TMEM245: variants seen among roughly 807,000 people sequenced by gnomAD.
TMEM245 encodes transmembrane protein 245.
A neutral mutation model predicts 101.2 loss-of-function variants in TMEM245; 69 were observed. That is an observed-to-expected ratio of 0.68 (90% CI 0.56 to 0.83). TMEM245 has a LOEUF of 0.83. Among genes scored for constraint, TMEM245 ranks in the 40% least tolerant of loss-of-function variants. The pLI is 0.00. For missense variants in TMEM245, 1,075 were observed against 1,092.8 expected, an observed-to-expected ratio of 0.98 and a Z score of 0.23; for synonymous variants, 537 against 449.8, an observed-to-expected ratio of 1.19 and a Z score of -2.45.
chr9:109,084,009 G>A (rs1244437257), intron 7 of TMEM245, among the ~76,000 whole-genome samples: 1 of 150,236 alleles, frequency 6.7e-6, no homozygotes, highest in South Asian at 2.1e-4. Flanking sequence ...CCTGGGAGGT[G>A]GAGGTTGTGT....
chr9:109,114,097 A>C (rs920872387), intron 1 of TMEM245, among the ~76,000 whole-genome samples: 1 of 152,034 alleles, frequency 6.6e-6, no homozygotes, highest in African/African-American at 2.4e-5. Flanking sequence ...CAAAACAAAA[A>C]CACCACAACT....
chr9:109,114,872 GA>G (rs1830671090), intron 1 of TMEM245, among the ~76,000 whole-genome samples: 1 of 151,978 alleles, frequency 6.6e-6, no homozygotes, highest in Admixed American at 6.6e-5. Context: ...TAGGTGTTCT[GA>G]AATCACTTAC....
chr9:109,045,524 T>G (rs1828462937), intron 14 of TMEM245, among the ~76,000 whole-genome samples: 1 of 152,210 alleles, frequency 6.6e-6, no homozygotes, highest in South Asian at 2.1e-4. Context: ...ATACATGGTT[T>G]TGTGTCCTTG....
chr9:109,069,235 A>T (rs1416013112), intron 9 of TMEM245, among the ~76,000 whole-genome samples: 1 of 152,138 alleles, frequency 6.6e-6, no homozygotes, highest in Non-Finnish European at 1.5e-5. Flanking sequence ...GAATGCTGCT[A>T]CTATTCAAAA....
intron 8 of TMEM245, among the ~76,000 whole-genome samples, chr9:109,074,282 T>G (rs1265893438): frequency 6.6e-6 from 1 of 152,042 alleles, no homozygotes; most frequent in Non-Finnish European, 1.5e-5. Context: ...AAAAAAAATT[T>G]TTTCACCCAG....
intron 3 of TMEM245, among the ~76,000 whole-genome samples, chr9:109,101,173 C>T (rs1365323076): frequency 2.0e-5 from 3 of 152,082 alleles, no homozygotes; most frequent in African/African-American, 4.8e-5. Flanking sequence ...GGTCTAGGAA[C>T]CAAACTCAGG....
intron 14 of TMEM245, among the ~76,000 whole-genome samples, chr9:109,041,911 G>A (rs946630841): frequency 1.3e-5 from 2 of 151,986 alleles, no homozygotes; most frequent in African/African-American, 4.8e-5. Flanking sequence ...CAGGTGGATC[G>A]CTACAGCCCA....
intron 9 of TMEM245, among the ~76,000 whole-genome samples, chr9:109,070,594 G>C (rs1482494184): frequency 6.6e-6 from 1 of 152,156 alleles, no homozygotes; most frequent in African/African-American, 2.4e-5. Flanking sequence ...TTTACATCTT[G>C]TATACCTTCA....
At chr9:109,112,975 C>G (rs1460170854) in intron 1 of TMEM245, among the ~76,000 whole-genome samples, 1 of 152,098 alleles carries the variant, frequency 6.6e-6, no homozygotes, top group African/African-American at 2.4e-5. Flanking sequence ...ACTCGGGAGG[C>G]TGAGGCAGGA....
chr9:109,103,523 T>TA (rs1427682156), intron 3 of TMEM245, among the ~76,000 whole-genome samples: 1 of 152,110 alleles, frequency 6.6e-6, no homozygotes, highest in Non-Finnish European at 1.5e-5. Flanking sequence ...ATGTGGTACT[T>TA]ATACACAATG....
intron 8 of TMEM245, among the ~76,000 whole-genome samples, chr9:109,075,359 T>C (rs1829466349): frequency 6.6e-6 from 1 of 152,216 alleles, no homozygotes; most frequent in Admixed American, 6.5e-5. Context: ...CTTTGGTATC[T>C]GGGCAATACT....
At chr9:109,079,149 T>C (rs775370550) in intron 8 of TMEM245, among the ~76,000 whole-genome samples, 3 of 152,148 alleles carry the variant, frequency 2.0e-5, no homozygotes, top group Non-Finnish European at 2.9e-5. Context: ...CAACGAAAGA[T>C]CTCCTAGTTG....
chr9:109,033,697 T>G (rs1828035814), intron 16 of TMEM245, among the ~76,000 whole-genome samples, 196 bp from the exon 17 acceptor site: 1 of 152,042 alleles, frequency 6.6e-6, no homozygotes, highest in Non-Finnish European at 1.5e-5. Context: ...CAACAATTGT[T>G]TTTCCTATGG....
intron 5 of TMEM245, among the ~76,000 whole-genome samples, chr9:109,089,381 A>C (rs1829934940): frequency 6.6e-6 from 1 of 152,222 alleles, no homozygotes; most frequent in African/African-American, 2.4e-5. Context: ...AGGAAAAATA[A>C]AAAGAAGTGA....
rs763643313 is a variant in TMEM245 at position 109,057,271 on chromosome 9, G to A, written c.1774C>T (p.Gln592Ter). 3.4e-5 allele frequency: 55 copies of A among 1,613,976 alleles called. No individual in the cohort carries two copies. The highest frequency in any genetic ancestry group is 1.3e-5 in the African/African-American group (1 of 74,920). ...AGAATGTCTCCCAGCCAGCTATTCT[G>A]ACGACTGACATGCAACTTCTGTCCT... Reference protein sequence around the residue: ...HKGQKLHVSRQNSWLGDILDW... With the variant: ...HKGQKLHVSR Residue 592 changes from glutamine (Q) to a stop codon, truncating the protein, a stop_gained, in exon 12 of 18, where the codon CAG (glutamine) becomes TAG (stop). Transcript: ENST00000374586. LOFTEE classifies it high-confidence loss of function.
intron 14 of TMEM245, among the ~76,000 whole-genome samples, chr9:109,045,016 TC>T (rs1828440326): frequency 1.3e-5 from 2 of 152,194 alleles, no homozygotes; most frequent in African/African-American, 4.8e-5. Context: ...CGCCTTGGCC[TC>T]CCAAAGTGCT....
intron 3 of TMEM245, among the ~76,000 whole-genome samples, chr9:109,105,964 G>A (rs1182254599): frequency 1.3e-5 from 2 of 152,146 alleles, no homozygotes; most frequent in African/African-American, 4.8e-5. Flanking sequence ...AGTAGAGACG[G>A]GGTTTCACCA....
At position 109,119,541 on chromosome 9, in the gene TMEM245, G is replaced by C. The variant is rs1259857765; in HGVS notation, c.373C>G (p.Leu125Val). ...TAGTCGACGAAGCAGAGCGGCAGGA[G>C]CAGCGCGGCCAGGACGATGGGCGTG... ...AHTPIVLAAL[L>V]LPLCFVDYGV... Residue 125 changes from leucine to valine, a missense_variant, in exon 1 of 18, where the codon CTC becomes GTC. This residue lies in a region of TMEM245 where 808 missense variants were observed against 741.5 expected (regional missense o/e 1.09). Transcript: ENST00000374586. The C allele has an allele frequency of 6.5e-7, 1 of 1,531,436 alleles. No individual in the cohort carries two copies. The highest frequency in any genetic ancestry group is 2.0e-5 in the Admixed American group (1 of 49,928). The allele number at this position is 1,531,436 out of a possible 1,614,324, so 94.9% of individuals were successfully genotyped here.
chr9:109,044,627 G>C (rs1474769009), intron 14 of TMEM245, among the ~76,000 whole-genome samples: 5 of 152,162 alleles, frequency 3.3e-5, no homozygotes, highest in Non-Finnish European at 7.3e-5. Context: ...TAACCAGTGG[G>C]AAAAGTACTC....
Sources: allele counts gnomAD v4.1 joint callset (sites outside exome capture counted in the v4.1 genomes callset), GRCh38; gene constraint gnomAD v4.1.1; regional missense constraint gnomAD v4.1.1; transcripts MANE v1.5; gene names NCBI Gene and HGNC (gene_info 2026-07-23, HGNC 2026-07-21).